ELAVL2: variants seen among roughly 807,000 people sequenced by gnomAD.
ELAVL2 encodes ELAV-like protein 2.
Under a neutral mutation model 34.6 loss-of-function variants are expected in ELAVL2, and 4 were observed. The ratio of observed to expected loss-of-function variants is 0.12; its 90% CI spans 0.06 to 0.26. The LOEUF (loss-of-function observed/expected upper bound fraction) is 0.26. Ranked by LOEUF, ELAVL2 falls within the 10% of genes least tolerant of loss-of-function variation. ELAVL2 has a pLI of 1.00. For missense variants in ELAVL2, 432 were observed against 442.8 expected (o/e 0.98, Z 0.22); for synonymous variants, 193 against 154.8 (o/e 1.25, Z -1.83).
intron 3 of ELAVL2, 35 bp from the exon 4 acceptor site, chr9:23,705,106 T>G (rs1049217224): frequency 6.2e-7 from 1 of 1,611,738 alleles, no homozygotes; most frequent in Non-Finnish European, 8.5e-7. Flanking sequence ...TGTATATGCA[T>G]GCTCACTCAC....
At chr9:23,793,495 T>A (rs916868939) in intron 1 of ELAVL2, among the ~76,000 whole-genome samples, 18 of 152,164 alleles carry the variant, frequency 1.2e-4, no homozygotes, top group African/African-American at 4.3e-4. Flanking sequence ...ACCCTCAACT[T>A]TTTTTCTAAA....
intron 3 of ELAVL2, among the ~76,000 whole-genome samples, chr9:23,717,684 C>G (rs1003933974): frequency 6.6e-6 from 1 of 152,122 alleles, no homozygotes; most frequent in Non-Finnish European, 1.5e-5. Context: ...AGTGGCATAT[C>G]CATTTTCATT....
At chr9:23,829,332 A>C (rs546734236), upstream of ELAVL2, among the ~76,000 whole-genome samples, 1 of 152,350 alleles carries the variant, frequency 6.6e-6, no homozygotes, top group Admixed American at 6.5e-5. Flanking sequence ...GCTGTTGTGG[A>C]AAATGTCTTT....
the ELAVL2 span, among the ~76,000 whole-genome samples, chr9:23,846,796 A>G: frequency 7.9e-5 from 12 of 152,256 alleles, no homozygotes; most frequent in East Asian, 1.5e-3. Context: ...AAAAGTGCCA[A>G]GATTGACAGG....
At chr9:23,808,961 T>G (rs2062611032) in intron 1 of ELAVL2, among the ~76,000 whole-genome samples, 1 of 152,114 alleles carries the variant, frequency 6.6e-6, no homozygotes, top group Non-Finnish European at 1.5e-5. Flanking sequence ...TCGCCAAATT[T>G]AAGGAAACAC....
chr9:23,791,818 T>A (rs1564484420), intron 1 of ELAVL2, among the ~76,000 whole-genome samples: 1 of 152,192 alleles, frequency 6.6e-6, no homozygotes, highest in South Asian at 2.1e-4. Flanking sequence ...TCCAGAACCA[T>A]GAGAAAATAA....
chr9:23,835,562 A>C, the ELAVL2 span, among the ~76,000 whole-genome samples: 1 of 152,200 alleles, frequency 6.6e-6, no homozygotes, highest in Non-Finnish European at 1.5e-5. Context: ...ATAGAGGTAG[A>C]CTATATAAAG....
intron 2 of ELAVL2, among the ~76,000 whole-genome samples, chr9:23,760,188 G>C (rs2054629856): frequency 6.6e-6 from 1 of 151,962 alleles, no homozygotes; most frequent in African/African-American, 2.4e-5. Flanking sequence ...CTAGAGGTGA[G>C]ACGTGAGGAT....
intron 1 of ELAVL2, among the ~76,000 whole-genome samples, chr9:23,763,496 C>T (rs897068906): frequency 6.6e-6 from 1 of 151,978 alleles, no homozygotes; most frequent in Non-Finnish European, 1.5e-5. Context: ...ACTGACAATT[C>T]TGAATTGACG....
intron 1 of ELAVL2, among the ~76,000 whole-genome samples, chr9:23,801,538 A>G (rs1368923698): frequency 2.0e-5 from 3 of 152,186 alleles, no homozygotes; most frequent in African/African-American, 7.2e-5. Flanking sequence ...AGTATCAATG[A>G]TCTCACCAAC....
intron 1 of ELAVL2, among the ~76,000 whole-genome samples, chr9:23,789,284 C>A (rs1309405216): frequency 6.6e-6 from 1 of 152,138 alleles, no homozygotes; most frequent in Admixed American, 6.6e-5. Context: ...ACAAGAAATG[C>A]AAGTTTTCCT....
At chr9:23,723,570 T>C (rs1416289477) in intron 3 of ELAVL2, among the ~76,000 whole-genome samples, 2 of 150,848 alleles carry the variant, frequency 1.3e-5, no homozygotes, top group African/African-American at 4.9e-5. Flanking sequence ...ATAATAATAA[T>C]TTAAAAAAAA....
chr9:23,736,832 C>G (rs781781461), intron 2 of ELAVL2, among the ~76,000 whole-genome samples: 1 of 152,184 alleles, frequency 6.6e-6, no homozygotes, highest in African/African-American at 2.4e-5. Context: ...TAACCATACT[C>G]TGGTTTCCAG....
At chr9:23,709,951 A>C (rs943363443) in intron 3 of ELAVL2, among the ~76,000 whole-genome samples, 9 of 152,154 alleles carry the variant, frequency 5.9e-5, no homozygotes, top group Admixed American at 5.2e-4. Flanking sequence ...AATTTCTCAC[A>C]AAAGCTACGA....
chr9:23,719,270 C>T (rs541496733), intron 3 of ELAVL2, among the ~76,000 whole-genome samples: 2 of 152,278 alleles, frequency 1.3e-5, no homozygotes, highest in South Asian at 4.1e-4. Context: ...CACTCACTGG[C>T]TGTAATTAAA....
chr9:23,732,752 T>A (rs1271338037), intron 2 of ELAVL2, among the ~76,000 whole-genome samples: 1 of 152,160 alleles, frequency 6.6e-6, no homozygotes, highest in Admixed American at 6.5e-5. Context: ...CAGTTAGCTG[T>A]GCAACTTTGA....
At chr9:23,791,566 G>A (rs967809655) in intron 1 of ELAVL2, among the ~76,000 whole-genome samples, 1 of 152,126 alleles carries the variant, frequency 6.6e-6, no homozygotes. Context: ...CAGGAAATAA[G>A]GCTAAATGAG....
In ELAVL2 at chr9:23,692,457, A is replaced by C; in HGVS notation, c.*100T>G. 7.9e-7 allele frequency: 1 copy of C among 1,273,522 alleles called. No individual in the cohort carries two copies. The highest frequency in any genetic ancestry group is 1.1e-6 in the Non-Finnish European group (1 of 936,434). The allele number at this position is 1,273,522 out of a possible 1,614,324, so 78.9% of individuals were successfully genotyped here. A position where few individuals can be genotyped will look rare whatever the true frequency, so the allele number is the denominator to read the frequency against. Reference sequence around the variant, plus strand: ...TAAGTAGTCATTTTATCCCCATCTCAACACTGACTTACAAAGACATTTACT... The same window carrying C: ...TAAGTAGTCATTTTATCCCCATCTCCACACTGACTTACAAAGACATTTACT... On this transcript the variant is annotated 3_prime_UTR_variant, in exon 7 of 7. Transcript: ENST00000397312.
intron 2 of ELAVL2, among the ~76,000 whole-genome samples, chr9:23,739,699 A>T (rs541845765): frequency 1.3e-5 from 2 of 152,232 alleles, no homozygotes; most frequent in South Asian, 4.1e-4. Context: ...AAAACAAGTT[A>T]ACTGTGGTAG....
Sources: gnomAD v4.1 joint callset for allele counts (sites outside exome capture counted in the v4.1 genomes callset) on GRCh38, gnomAD v4.1.1 for gene constraint, MANE v1.5 for transcripts, NCBI Gene and HGNC (gene_info 2026-07-23, HGNC 2026-07-21) for gene names.